Variants in SPRED2 observed in about 807,000 individuals in gnomAD.
SPRED2 encodes the protein sprouty related EVH1 domain containing 2.
A neutral mutation model predicts 43.0 loss-of-function variants in SPRED2; 47 were observed. The ratio of observed to expected loss-of-function variants is 1.09; its 90% CI spans 0.87 to 1.40. The LOEUF (loss-of-function observed/expected upper bound fraction) is 1.40. SPRED2 is among the 40% of genes most tolerant of loss of function. The probability of loss-of-function intolerance (pLI) is 0.00; values close to 1 mark genes in which losing one functional copy is unlikely to be tolerated. For missense variants in SPRED2, 561 were observed against 586.4 expected, an observed-to-expected ratio of 0.96 and a Z score of 0.45; for synonymous variants, 225 against 225.7, an observed-to-expected ratio of 1.00 and a Z score of 0.03.
rs1673136082 is a variant in SPRED2, at chr2:65,313,623, T to C, written c.1135A>G (p.Met379Val). The C allele has an allele frequency of 1.2e-6, 2 of 1,614,110 alleles. No homozygotes were observed. The highest frequency in any genetic ancestry group is 1.7e-6 in the Non-Finnish European group (2 of 1,180,010). ...TSDEKFCLRW[M>V]ALIALSFLAP... ...AGGAAAGACAAGGCAATAAGAGCCA[T>C]CCACCGGAGGCAAAACTTCTCGTCG... is the stretch of plus-strand genomic sequence containing the variant. The change falls in exon 6 of 6, where the codon ATG becomes GTG. Residue 379 changes from methionine (M) to valine (V), a missense_variant. Met to Val is a conservative substitution (Grantham distance 21, BLOSUM62 1). This residue lies in a region of SPRED2 where 65 missense variants were observed against 60.2 expected (regional missense o/e 1.08). Transcript: ENST00000356388.
chr2:65,407,017 C>G (rs891223088), intron 1 of SPRED2, among the ~76,000 whole-genome samples: 1 of 151,988 alleles, frequency 6.6e-6, no homozygotes, highest in East Asian at 1.9e-4. Flanking sequence ...CAAGCTCCAC[C>G]TCCTGGGTTC....
chr2:65,408,892 T>C (rs1676090171), intron 1 of SPRED2, among the ~76,000 whole-genome samples: 1 of 152,158 alleles, frequency 6.6e-6, no homozygotes, highest in South Asian at 2.1e-4. Flanking sequence ...AAGTTCTTAA[T>C]AGCCCATAAA....
At chr2:65,338,930 GGGA>G (rs1674075810) in intron 2 of SPRED2, among the ~76,000 whole-genome samples, 1 of 151,842 alleles carries the variant, frequency 6.6e-6, no homozygotes, top group Non-Finnish European at 1.5e-5. Context: ...CTGAGATGTG[GGGA>G]GCGCCTCTGC....
chr2:65,318,937 C>T (rs1376829061), intron 4 of SPRED2, among the ~76,000 whole-genome samples: 1 of 152,174 alleles, frequency 6.6e-6, no homozygotes, highest in Non-Finnish European at 1.5e-5. Flanking sequence ...CATGAGCCAC[C>T]ATACCCTGAC....
chr2:65,313,777 C>T lies in SPRED2; in HGVS notation c.981G>A (p.Gln327=). The T allele has an allele frequency of 6.2e-7, 1 of 1,614,186 alleles. No individual in the cohort carries two copies. Among genetic ancestry groups the T allele is most frequent in the South Asian group, 1.1e-5 (1 of 91,084 alleles). Residue 327 remains glutamine (Q), a synonymous_variant, in exon 6 of 6, where the codon CAG becomes CAA. Transcript: ENST00000356388. ...NHEENRRGHC[Q]DAPDSVRTCI... ...AAGTTCTCACGGAGTCGGGCGCGTC[C>T]TGGCAGTGGCCCCGGCGGTTCTCCT...
chr2:65,376,264 T>A (rs1675234621), intron 1 of SPRED2, among the ~76,000 whole-genome samples: 1 of 152,192 alleles, frequency 6.6e-6, no homozygotes, highest in African/African-American at 2.4e-5. Context: ...GTATTTATTA[T>A]CTGTTGCTGA....
In SPRED2 at chr2:65,344,870, G is replaced by A. The variant is rs2104267224; in HGVS notation, c.53C>T (p.Ala18Val). 1 of 1,614,040 alleles carries A rather than the reference G, an allele frequency of 6.2e-7. No individual in the cohort carries two copies. The highest frequency in any genetic ancestry group is 8.5e-7 in the Non-Finnish European group (1 of 1,179,998). The stretch of plus-strand genomic sequence containing the variant: ...GGAGTCATCTCTGGTCATAACCACA[G>A]CCTTGACACGCACAATATAGCTGTC... ...DDDSYIVRVK[A>V]VVMTRDDSSG... The change falls in exon 2 of 6, where the codon GCT (alanine) becomes GTT (valine). Residue 18 changes from alanine to valine, a missense_variant. By Grantham distance (64) the Ala-to-Val change is moderately conservative. Transcript: ENST00000356388.
At chr2:65,399,537 C>T (rs1284366818) in intron 1 of SPRED2, among the ~76,000 whole-genome samples, 1 of 151,716 alleles carries the variant, frequency 6.6e-6, no homozygotes, top group Non-Finnish European at 1.5e-5. Flanking sequence ...TGCACGCCAC[C>T]ACGCCTGGCT....
intron 1 of SPRED2, among the ~76,000 whole-genome samples, chr2:65,429,424 C>G (rs1050872728): frequency 6.6e-6 from 1 of 152,108 alleles, no homozygotes; most frequent in Non-Finnish European, 1.5e-5. Context: ...CAAATTCACC[C>G]AAAGTAGGAA....
Position 65,311,449 on chromosome 2 carries a change from T to C in SPRED2, c.*2052A>G, listed in dbSNP as rs990745440. 4.1e-6 allele frequency: 4 copies of C among 985,736 alleles called. No individual in the cohort carries two copies. The highest frequency in any genetic ancestry group is 4.8e-6 in the Non-Finnish European group (4 of 829,930). The allele number at this position is 985,736 out of a possible 1,614,324, so 61.1% of individuals were successfully genotyped here. On this transcript the variant is annotated 3_prime_UTR_variant, in exon 6 of 6. Transcript: ENST00000356388. ...TGACAAACAAAAAACAGCTGGGATA[T>C]GTGCGTTCTTATTGAAATAAATAGG...
chr2:65,366,581 A>G, intron 1 of SPRED2: 1 of 1,553,138 alleles, frequency 6.4e-7, no homozygotes, highest in East Asian at 2.4e-5. Context: ...GTAAACAGTA[A>G]GCACGTACCT....
intron 1 of SPRED2, among the ~76,000 whole-genome samples, chr2:65,375,274 A>T (rs931298445): frequency 1.3e-5 from 2 of 151,876 alleles, no homozygotes; most frequent in African/African-American, 4.8e-5. Flanking sequence ...AGGAACATTA[A>T]CTCTTCCCAG....
chr2:65,339,047 T>TG (rs1214486678), intron 2 of SPRED2, among the ~76,000 whole-genome samples: 379 of 117,386 alleles, frequency 3.2e-3, no homozygotes, highest in Non-Finnish European at 5.6e-3. Flanking sequence ...GGGAGGGAGG[T>TG]GGGGGGCTCA....
chr2:65,430,219 T>C (rs1676645846), intron 1 of SPRED2, among the ~76,000 whole-genome samples: 1 of 152,206 alleles, frequency 6.6e-6, no homozygotes, highest in Non-Finnish European at 1.5e-5. Flanking sequence ...AGCGCAACTT[T>C]TTTTCATTTT....
chr2:65,353,415 C>T (rs60232138), intron 1 of SPRED2, among the ~76,000 whole-genome samples: 7,856 of 152,256 alleles, frequency 0.052, 300 homozygotes, highest in Middle Eastern at 0.15. Context: ...TAAAAGAGGC[C>T]GTTTCCTCCA....
intron 1 of SPRED2, among the ~76,000 whole-genome samples, chr2:65,418,129 C>G (rs952900305): frequency 6.6e-6 from 1 of 152,226 alleles, no homozygotes; most frequent in Non-Finnish European, 1.5e-5. Context: ...TATTAGTGGT[C>G]TCCCTGACTC....
chr2:65,428,484 T>C (rs917436651), intron 1 of SPRED2, among the ~76,000 whole-genome samples: 2 of 152,374 alleles, frequency 1.3e-5, no homozygotes, highest in Admixed American at 1.3e-4. Context: ...GAATTATTAA[T>C]TTTGTAAAAT....
downstream of SPRED2, among the ~76,000 whole-genome samples, chr2:65,310,650 C>T (rs1673044111): frequency 6.6e-6 from 1 of 152,094 alleles, no homozygotes; most frequent in South Asian, 2.1e-4. Flanking sequence ...TTCACTGAGG[C>T]ATCCGAGCCC....
Position 65,431,648 on chromosome 2 carries a change from G to A in SPRED2, c.26+314C>T, listed in dbSNP as rs370723675. On this transcript the variant is annotated intron_variant, in intron 1 of 5. Transcript: ENST00000356388. The stretch of plus-strand genomic sequence containing the variant: ...TCAGGTCTTCCGCTCTAGCCGCCGA[G>A]GATTTCGGGGGCGGGGGAGCTGTAA... Among the ~76,000 whole-genome samples the A allele has an allele frequency of 2.2e-4, 34 of 152,296 alleles. No homozygotes were observed. In the East Asian group the frequency reaches 4.9e-3, roughly 22 times the overall value.
Sources: gnomAD v4.1 joint callset for allele counts (sites outside exome capture counted in the v4.1 genomes callset) on GRCh38, gnomAD v4.1.1 for gene constraint, gnomAD v4.1.1 regional missense constraint, MANE v1.5 for transcripts, NCBI Gene and HGNC (gene_info 2026-07-23, HGNC 2026-07-21) for gene names.